HIVEP3: variants seen among roughly 807,000 people sequenced by gnomAD.
HIVEP3 encodes transcription factor HIVEP3.
Under a neutral mutation model 152.8 loss-of-function variants are expected in HIVEP3, and 49 were observed. The ratio of observed to expected loss-of-function variants is 0.32; its 90% confidence interval spans 0.26 to 0.41. HIVEP3 has a LOEUF of 0.41. Among genes scored for constraint, HIVEP3 ranks in the 10% least tolerant of loss-of-function variants. The pLI is 1.00. For missense variants in HIVEP3, 2,790 were observed against 3,103.3 expected, an observed-to-expected ratio of 0.90 and a Z score of 2.40; for synonymous variants, 1,269 against 1,289.0, an observed-to-expected ratio of 0.98 and a Z score of 0.33.
At chr1:41,930,437 T>C (rs540336976) in intron 1 of HIVEP3, among the ~76,000 whole-genome samples, 1 of 152,308 alleles carries the variant, frequency 6.6e-6, no homozygotes, top group African/African-American at 2.4e-5. Flanking sequence ...TCATCCATGA[T>C]GTTGCATGAA....
intron 5 of HIVEP3, among the ~76,000 whole-genome samples, chr1:41,568,717 C>T (rs1644206992): frequency 6.6e-6 from 1 of 152,208 alleles, no homozygotes; most frequent in Non-Finnish European, 1.5e-5. Flanking sequence ...GAGTGGCTTT[C>T]GGTCCAAGCA....
intron 1 of HIVEP3, among the ~76,000 whole-genome samples, chr1:41,926,456 A>G (rs1317032271): frequency 1.3e-5 from 2 of 152,208 alleles, no homozygotes; most frequent in Admixed American, 6.5e-5. Context: ...AAGGCACTTT[A>G]TTTGTGGCAC....
intron 1 of HIVEP3, among the ~76,000 whole-genome samples, chr1:41,739,562 A>C (rs1190339984): frequency 1.3e-5 from 2 of 151,904 alleles, no homozygotes; most frequent in Non-Finnish European, 2.9e-5. Flanking sequence ...CTCAGCAGAG[A>C]AAAAATTGGG....
chr1:41,525,488 A>G (rs1642874923), intron 5 of HIVEP3, among the ~76,000 whole-genome samples: 1 of 152,188 alleles, frequency 6.6e-6, no homozygotes, highest in South Asian at 2.1e-4. Context: ...TGCCTGCCCC[A>G]AAGCCTGTCC....
intron 2 of HIVEP3, among the ~76,000 whole-genome samples, chr1:41,647,685 G>A (rs1645481781): frequency 6.6e-6 from 1 of 152,182 alleles, no homozygotes; most frequent in African/African-American, 2.4e-5. Flanking sequence ...GGCTGGGCCT[G>A]GTCACCTCAT....
chr1:41,978,804 T>C (rs1255819033), intron 1 of HIVEP3, among the ~76,000 whole-genome samples: 3 of 152,092 alleles, frequency 2.0e-5, no homozygotes, highest in African/African-American at 4.8e-5. Context: ...ATTAGAATCT[T>C]CTGCTGGGGA....
intron 1 of HIVEP3, among the ~76,000 whole-genome samples, chr1:41,727,098 A>T (rs184459307): frequency 1.3e-5 from 2 of 152,286 alleles, no homozygotes; most frequent in African/African-American, 2.4e-5. Context: ...GGCACAGAAG[A>T]CTGAACTCAC....
chr1:41,979,517 C>T (rs80193485), intron 1 of HIVEP3, among the ~76,000 whole-genome samples: 2,632 of 152,314 alleles, frequency 0.017, 75 homozygotes, highest in African/African-American at 0.061. Flanking sequence ...CAGGCCTTTC[C>T]TATTTCACTG....
chr1:41,740,265 T>A (rs1646977713), intron 1 of HIVEP3, among the ~76,000 whole-genome samples: 2 of 152,238 alleles, frequency 1.3e-5, no homozygotes, highest in Admixed American at 6.5e-5. Context: ...CCACTCAGTC[T>A]CCAAGGCCAT....
At chr1:41,889,636 G>A (rs1034312213) in intron 1 of HIVEP3, among the ~76,000 whole-genome samples, 2 of 152,264 alleles carry the variant, frequency 1.3e-5, no homozygotes, top group South Asian at 4.1e-4. Flanking sequence ...ATGAAAGCCC[G>A]GCAGGGTGGG....
chr1:41,662,898 C>G lies in HIVEP3; in HGVS notation c.-720-33951G>C, dbSNP rs1474512440. Among the ~76,000 whole-genome samples, 1 of 150,362 alleles carries G rather than the reference C, an allele frequency of 6.7e-6. No homozygotes were observed. The highest frequency in any genetic ancestry group is 1.5e-5 in the Non-Finnish European group (1 of 67,504). On this transcript the variant is annotated intron_variant, in intron 2 of 8. Coordinates refer to ENST00000372583, the MANE Select transcript of HIVEP3 (RefSeq NM_024503.5). This position sits in a 1 kb window ranked among gnomAD's most constrained non-coding sequence, Gnocchi z 7.2. ...CCCCGCCTTCCCCCTGGGTGCCAGC[C>G]GGGCTCCGGGAAGCCCGCGCCTCCC...
chr1:41,691,216 T>G (rs1205589632), intron 2 of HIVEP3, among the ~76,000 whole-genome samples: 1 of 152,224 alleles, frequency 6.6e-6, no homozygotes, highest in East Asian at 1.9e-4. Flanking sequence ...TATCTTGAAA[T>G]GGAGTGCCAT....
At chr1:41,679,413 T>C (rs1242074651) in intron 2 of HIVEP3, among the ~76,000 whole-genome samples, 2 of 152,188 alleles carry the variant, frequency 1.3e-5, no homozygotes, top group African/African-American at 4.8e-5. Flanking sequence ...CCTCTGAACA[T>C]AGAAAGGACA....
At position 41,851,289 on chromosome 1, in the gene HIVEP3, CTTTTTTTTTTTTTTTTTTT is replaced by C. The variant is rs34180186; in HGVS notation, c.-801+67105_-801+67123del. Among the ~76,000 whole-genome samples, 24 of 59,800 alleles carry C rather than the reference CTTTTTTTTTTTTTTTTTTT, an allele frequency of 4.0e-4. No homozygotes were observed. In the Admixed American group the frequency reaches 5.5e-3, roughly 14 times the overall value. The allele number at this position is 59,800 out of a possible 152,430, so 39.2% of individuals were successfully genotyped here. A position where few individuals can be genotyped will look rare whatever the true frequency, so the allele number is the denominator to read the frequency against. On this transcript the variant is annotated intron_variant, in intron 1 of 8. Coordinates refer to ENST00000372583, the MANE Select transcript of HIVEP3 (RefSeq NM_024503.5). ...GATGAGAGAGCACCTTCTTCTTCTT[CTTTTTTTTTTTTTTTTTTT>C]TTTTTTTTTTTTTGAGACAGAGTCT...
chr1:41,798,709 T>G (rs2124308996), intron 1 of HIVEP3, among the ~76,000 whole-genome samples: 1 of 152,350 alleles, frequency 6.6e-6, no homozygotes, highest in Non-Finnish European at 1.5e-5. Flanking sequence ...AAATAATCTA[T>G]TGTGTGTTTG....
intron 1 of HIVEP3, among the ~76,000 whole-genome samples, chr1:41,992,655 G>A (rs1196905383): frequency 8.0e-6 from 1 of 125,766 alleles, no homozygotes; most frequent in Non-Finnish European, 1.6e-5. Context: ...CTACTTTAAA[G>A]TTCATATGGA....
rs532516201 is a variant in HIVEP3, at chr1:41,861,348, C to A, written c.-801+57065G>T. Among the ~76,000 whole-genome samples, 7 of 152,348 alleles carry A rather than the reference C, an allele frequency of 4.6e-5. 1 individual carries two copies. The highest frequency in any genetic ancestry group is 2.1e-4 in the South Asian group (1 of 4,832). ...AAAAAAGAAAAACCTAGTTGCTCTACTCTAAGGGCTTATGATTTAACCAAG... is the reference window on the plus strand; with the variant it reads ...AAAAAAGAAAAACCTAGTTGCTCTAATCTAAGGGCTTATGATTTAACCAAG... On this transcript the variant is annotated intron_variant, in intron 1 of 8. Transcript: ENST00000372583.
intron 1 of HIVEP3, among the ~76,000 whole-genome samples, chr1:41,888,929 C>A (rs1644399184): frequency 6.9e-6 from 1 of 144,342 alleles, no homozygotes; most frequent in Non-Finnish European, 1.5e-5. Flanking sequence ...ACACCACATG[C>A]CACATACACA....
At chr1:41,573,297 G>A (rs1644278442) in intron 5 of HIVEP3, among the ~76,000 whole-genome samples, 1 of 152,124 alleles carries the variant, frequency 6.6e-6, no homozygotes, top group Non-Finnish European at 1.5e-5. Context: ...CAGCATCTCT[G>A]GCCTCGTCCC....
Sources: allele counts gnomAD v4.1 joint callset (sites outside exome capture counted in the v4.1 genomes callset), GRCh38; gene constraint gnomAD v4.1.1; non-coding constraint Gnocchi (gnomAD v3.1); transcripts MANE v1.5; gene names NCBI Gene and HGNC (gene_info 2026-07-23, HGNC 2026-07-21).